Variants in STOX2 observed in about 807,000 individuals in gnomAD.
The protein encoded by STOX2 is storkhead box 2.
In STOX2, 28 loss-of-function variants were observed where a neutral mutation model predicts 60.9. The observed-to-expected ratio is 0.46, with a 90% CI of 0.34 to 0.63. The LOEUF is 0.63. Ranked by LOEUF, STOX2 falls within the 30% of genes least tolerant of loss-of-function variation. The pLI is 0.01. For synonymous variants in STOX2, 472 were observed against 463.9 expected, an observed-to-expected ratio of 1.02 and a Z score of -0.22; for missense variants, 1,024 against 1,187.7, an observed-to-expected ratio of 0.86 and a Z score of 2.03.
intron 1 of STOX2, among the ~76,000 whole-genome samples, chr4:183,907,373 T>C (rs1189185669): frequency 6.6e-6 from 1 of 152,112 alleles, no homozygotes; most frequent in Non-Finnish European, 1.5e-5. Flanking sequence ...AAGGAACAGG[T>C]TCCATGCGCA....
At chr4:183,998,686 C>T (rs1191467080) in intron 1 of STOX2, among the ~76,000 whole-genome samples, 2 of 152,122 alleles carry the variant, frequency 1.3e-5, no homozygotes, top group Admixed American at 6.5e-5. Context: ...AGACCACAGG[C>T]GCGTGCCAGC....
chr4:183,883,464 C>G (rs1046189314), intron 1 of STOX2, among the ~76,000 whole-genome samples: 12 of 151,938 alleles, frequency 7.9e-5, no homozygotes, highest in Non-Finnish European at 1.5e-4. Context: ...GGACTACAGG[C>G]ACCTGCCACC....
At chr4:183,853,392 T>C (rs1210233653) in intron 1 of STOX2, 2 of 152,186 alleles carry the variant, frequency 1.3e-5, no homozygotes, top group African/African-American at 4.8e-5. Context: ...AGACAAGTCG[T>C]TCACCACTAC....
chr4:183,925,028 C>G (rs1742201861), intron 1 of STOX2, among the ~76,000 whole-genome samples: 1 of 152,112 alleles, frequency 6.6e-6, no homozygotes, highest in African/African-American at 2.4e-5. Flanking sequence ...GAGTACCAAA[C>G]ATTTGGATTT....
At chr4:183,899,764 C>T (rs1454287475) in intron 1 of STOX2, among the ~76,000 whole-genome samples, 2 of 152,178 alleles carry the variant, frequency 1.3e-5, no homozygotes, top group African/African-American at 2.4e-5. Context: ...AGTAAGTTAT[C>T]TCAAAGATCT....
intron 1 of STOX2, among the ~76,000 whole-genome samples, chr4:183,841,213 A>ATTT (rs1200771277): frequency 1.3e-5 from 2 of 150,594 alleles, no homozygotes; most frequent in African/African-American, 2.5e-5. Flanking sequence ...TTATTTATTT[A>ATTT]TTTATTTATA....
Position 184,010,514 on chromosome 4 carries a change from T to C in STOX2, c.1676T>C (p.Ile559Thr), listed in dbSNP as rs1252605782. The change falls in exon 3 of 4, where the codon ATA (isoleucine) becomes ACA (threonine). Residue 559 changes from isoleucine to threonine, a missense_variant. By Grantham distance (89) the Ile-to-Thr change is moderately conservative (BLOSUM62 -1). Coordinates refer to ENST00000308497, the MANE Select transcript of STOX2 (RefSeq NM_020225.3). The surrounding 1 kb of genome is among the most constrained non-coding windows in gnomAD (Gnocchi z 4.5). ...TATAAAGAGGTGTGTATTCCAGAGA[T>C]AGTCAGTGGCAGCAAGGAACCGTCC... Reference protein sequence around the residue: ...TSYKEVCIPEIVSGSKEPSSA... With the variant: ...TSYKEVCIPETVSGSKEPSSA... 8.7e-6 allele frequency: 14 copies of C among 1,613,716 alleles called. No individual in the cohort carries two copies. Among genetic ancestry groups the C allele is most frequent in the Non-Finnish European group, 1.1e-5 (13 of 1,179,834 alleles).
intron 1 of STOX2, among the ~76,000 whole-genome samples, chr4:183,949,458 G>C (rs1244595033): frequency 6.6e-6 from 1 of 152,156 alleles, no homozygotes; most frequent in African/African-American, 2.4e-5. Flanking sequence ...CCAGCACTTA[G>C]GGAGGCCGAG....
intron 1 of STOX2, among the ~76,000 whole-genome samples, chr4:183,911,232 T>C (rs978308285): frequency 2.0e-5 from 3 of 152,252 alleles, no homozygotes; most frequent in African/African-American, 7.2e-5. Flanking sequence ...CATTTTGCGA[T>C]ACAATCCTAT....
At chr4:183,952,288 T>C (rs1428141647) in intron 1 of STOX2, among the ~76,000 whole-genome samples, 1 of 152,236 alleles carries the variant, frequency 6.6e-6, no homozygotes, top group South Asian at 2.1e-4. Flanking sequence ...TTATCCAGGA[T>C]TCATATACTA....
chr4:183,798,608 G>A, intron 1 of STOX2: 8 of 985,176 alleles, frequency 8.1e-6, no homozygotes, highest in Non-Finnish European at 8.4e-6. Context: ...AACGAGGCAA[G>A]GCTGCAGAGT....
intron 1 of STOX2, among the ~76,000 whole-genome samples, chr4:183,927,234 C>T (rs1312332084): frequency 6.6e-6 from 1 of 152,176 alleles, no homozygotes; most frequent in Non-Finnish European, 1.5e-5. Flanking sequence ...GGCACAGGCT[C>T]TGCACGGAAC....
At chr4:183,808,533 T>G (rs531761769) in intron 1 of STOX2, among the ~76,000 whole-genome samples, 2 of 152,362 alleles carry the variant, frequency 1.3e-5, no homozygotes, top group South Asian at 4.1e-4. Context: ...ACAAAAAGTT[T>G]GTCCAAGGAA....
At chr4:183,808,271 T>C (rs1386805339) in intron 1 of STOX2, among the ~76,000 whole-genome samples, 2 of 152,206 alleles carry the variant, frequency 1.3e-5, no homozygotes, top group African/African-American at 2.4e-5. Flanking sequence ...CCACCATTCA[T>C]TCCAATCCTC....
intron 1 of STOX2, among the ~76,000 whole-genome samples, chr4:183,940,648 C>T (rs1325762011): frequency 6.6e-6 from 1 of 152,168 alleles, no homozygotes; most frequent in Non-Finnish European, 1.5e-5. Flanking sequence ...TGATTGATCA[C>T]TTGATGTTTG....
rs1734525179 is a variant in STOX2 at position 184,020,095 on chromosome 4, T to C, written c.*2811T>C. 6.6e-6 allele frequency: 1 copy of C among 152,228 alleles called. No homozygotes were observed. Among genetic ancestry groups the C allele is most frequent in the Non-Finnish European group, 1.5e-5 (1 of 68,046 alleles). 9.4% of individuals were successfully genotyped at this position (152,228 alleles called of 1,614,324 possible). On this transcript the variant is annotated 3_prime_UTR_variant, in exon 4 of 4. Coordinates refer to ENST00000308497, the MANE Select transcript of STOX2 (RefSeq NM_020225.3). ...CTTTATGGTAATTTTTATTTTTACA[T>C]ATAACTACCTCCATAAATTTGATGA...
At chr4:183,941,188 C>A (rs6552725) in intron 1 of STOX2, among the ~76,000 whole-genome samples, 2 of 152,040 alleles carry the variant, frequency 1.3e-5, no homozygotes, top group Admixed American at 1.3e-4. Context: ...GCTGATGGAG[C>A]CTTTGAGTCG....
At position 184,017,128 on chromosome 4, in the gene STOX2, T is replaced by A. The variant is rs1734405019; in HGVS notation, c.2625T>A (p.Val875=). 6 of 1,613,750 alleles carry A rather than the reference T, an allele frequency of 3.7e-6. No individual in the cohort carries two copies. The highest frequency in any genetic ancestry group is 4.2e-6 in the Non-Finnish European group (5 of 1,179,780). The change falls in exon 4 of 4, where the codon GTT becomes GTA. Residue 875 remains valine, a synonymous_variant. Transcript: ENST00000308497. ...ESLASNTSSI[V]ESNRRQNPAL... Reference sequence around the variant, plus strand: ...TGGCTTCCAACACATCAAGCATTGTTGAAAGTAACCGTCGTCAGAACCCCG... The same window carrying A: ...TGGCTTCCAACACATCAAGCATTGTAGAAAGTAACCGTCGTCAGAACCCCG...
At chr4:183,833,981 CA>C (rs70959149) in intron 1 of STOX2, among the ~76,000 whole-genome samples, 4,105 of 79,792 alleles carry the variant, frequency 0.051, 64 homozygotes, top group Middle Eastern at 0.13. Context: ...GACTCCGTCT[CA>C]AAAAAAAAAA....
Sources: gnomAD v4.1 joint callset for allele counts (sites outside exome capture counted in the v4.1 genomes callset) on GRCh38, gnomAD v4.1.1 for gene constraint, Gnocchi (gnomAD v3.1) non-coding constraint, MANE v1.5 for transcripts, NCBI Gene and HGNC (gene_info 2026-07-23, HGNC 2026-07-21) for gene names.